The following CLEC12A variants were observed in gnomAD, a reference collection of about 807,000 sequenced individuals.
CLEC12A encodes the protein C-type lectin protein CLL-1.
A neutral mutation model predicts 26.5 loss-of-function variants in CLEC12A; 22 were observed. That is an observed-to-expected ratio of 0.83 (90% CI 0.59 to 1.19). The LOEUF (loss-of-function observed/expected upper bound fraction) is 1.19, where lower values mean the gene tolerates loss of function less well. Ranked by LOEUF, CLEC12A falls within the 50% of genes most tolerant of loss-of-function variation. CLEC12A has a pLI of 0.00. For synonymous variants in CLEC12A, 119 were observed against 101.9 expected (o/e 1.17, Z -1.01); for missense variants, 353 against 315.6 (o/e 1.12, Z -0.90).
intron 1 of CLEC12A, among the ~76,000 whole-genome samples, chr12:9,978,210 T>C (rs1864412965): frequency 6.6e-6 from 1 of 152,178 alleles, no homozygotes; most frequent in Non-Finnish European, 1.5e-5. Flanking sequence ...GTATAATAGC[T>C]TTATACATAA....
At chr12:10,002,985 T>A in the CLEC12A span, among the ~76,000 whole-genome samples, 2 of 152,186 alleles carry the variant, frequency 1.3e-5, no homozygotes, top group Non-Finnish European at 2.9e-5. Flanking sequence ...CTGTATATAT[T>A]TTACACATGT....
At chr12:9,984,779 A>G in intron 5 of CLEC12A, 91 bp from the exon 6 acceptor site, 2 of 1,190,586 alleles carry the variant, frequency 1.7e-6, no homozygotes, top group Non-Finnish European at 2.2e-6. Flanking sequence ...GTCTAGGGCA[A>G]TAATATCATG....
At chr12:9,973,654 T>C (rs1193683912) in intron 1 of CLEC12A, among the ~76,000 whole-genome samples, 1 of 152,010 alleles carries the variant, frequency 6.6e-6, no homozygotes, top group African/African-American at 2.4e-5. Context: ...TTTTTTGTTG[T>C]TATTTAAATG....
At chr12:9,977,844 CA>C (rs1372265046) in intron 1 of CLEC12A, among the ~76,000 whole-genome samples, 6 of 152,222 alleles carry the variant, frequency 3.9e-5, no homozygotes, top group Admixed American at 2.0e-4. Context: ...ACAAGGCACT[CA>C]AAAGATAACT....
At chr12:9,987,736 A>T (rs1166142440), downstream of CLEC12A, among the ~76,000 whole-genome samples, 2 of 151,896 alleles carry the variant, frequency 1.3e-5, no homozygotes, top group Non-Finnish European at 2.9e-5. Flanking sequence ...GTTAACCTGT[A>T]TGTTTTTGTT....
intron 4 of CLEC12A, 36 bp from the exon 5 acceptor site, chr12:9,981,984 A>G: frequency 9.7e-7 from 1 of 1,029,566 alleles, no homozygotes. Flanking sequence ...AAAGTAGGAG[A>G]CTGTTTCTTA....
chr12:10,005,994 G>A, the CLEC12A span, among the ~76,000 whole-genome samples: 27 of 152,280 alleles, frequency 1.8e-4, no homozygotes, highest in Middle Eastern at 3.4e-3. Context: ...AACAGAGTGA[G>A]AATGAATCCT....
chr12:9,955,900 A>G (rs34022830), intron 1 of CLEC12A, among the ~76,000 whole-genome samples: 2,622 of 152,348 alleles, frequency 0.017, 29 homozygotes, highest in Non-Finnish European at 0.028. Flanking sequence ...GCTATACTGG[A>G]GGAAAACGTT....
chr12:9,988,494 C>T (rs1031553022), downstream of CLEC12A, among the ~76,000 whole-genome samples: 17 of 152,122 alleles, frequency 1.1e-4, no homozygotes, highest in East Asian at 3.9e-4. Flanking sequence ...CCAGAATCTA[C>T]GAAGAACTCA....
At chr12:9,986,788 G>A (rs1864777773), downstream of CLEC12A, among the ~76,000 whole-genome samples, 1 of 152,112 alleles carries the variant, frequency 6.6e-6, no homozygotes, top group Non-Finnish European at 1.5e-5. Flanking sequence ...TCCAGCCTGG[G>A]TGACAGAGCA....
intron 1 of CLEC12A, 98 bp downstream of exon 1, chr12:9,971,785 A>T: frequency 1.0e-6 from 1 of 979,930 alleles, no homozygotes; most frequent in Non-Finnish European, 1.4e-6. Context: ...TATTCAACTT[A>T]AATTTTCAAT....
At chr12:9,979,690 TAGA>T (rs1864476088) in intron 3 of CLEC12A, among the ~76,000 whole-genome samples, 166 bp downstream of exon 3, 2 of 152,242 alleles carry the variant, frequency 1.3e-5, no homozygotes, top group South Asian at 4.1e-4. Flanking sequence ...TCCACGCAGT[TAGA>T]AGAAAAACAG....
upstream of CLEC12A, among the ~76,000 whole-genome samples, chr12:9,970,138 T>C (rs549084174): frequency 2.6e-5 from 4 of 152,336 alleles, no homozygotes; most frequent in East Asian, 7.7e-4. Flanking sequence ...TAAATTGACA[T>C]TGAATTTTTG....
intron 3 of CLEC12A, 109 bp downstream of exon 3, chr12:9,979,633 T>C: frequency 1.3e-6 from 1 of 786,856 alleles, no homozygotes; most frequent in East Asian, 2.8e-5. Context: ...GGAGTCATAA[T>C]TTGGGGGAAA....
intron 1 of CLEC12A, among the ~76,000 whole-genome samples, chr12:9,976,180 A>G (rs1864327214): frequency 6.6e-6 from 1 of 152,228 alleles, no homozygotes; most frequent in Non-Finnish European, 1.5e-5. Flanking sequence ...GGTACTGTCC[A>G]GTGGAGCAGT....
At chr12:9,954,502 AT>A (rs1253449838) in intron 1 of CLEC12A, among the ~76,000 whole-genome samples, 3 of 152,216 alleles carry the variant, frequency 2.0e-5, no homozygotes, top group South Asian at 2.1e-4. Context: ...AAAAAAAAAA[AT>A]AATCAAACTA....
chr12:9,966,126 G>T (rs1225425528), intron 1 of CLEC12A, among the ~76,000 whole-genome samples: 1 of 152,124 alleles, frequency 6.6e-6, no homozygotes, highest in African/African-American at 2.4e-5. Context: ...GAGTTGGGGA[G>T]TTTTAAGAGG....
At chr12:10,002,568 A>G in the CLEC12A span, among the ~76,000 whole-genome samples, 9 of 140,682 alleles carry the variant, frequency 6.4e-5, no homozygotes, top group African/African-American at 7.9e-5. Context: ...ACAGCCTCCC[A>G]AGTAGTTGGG....
chr12:9,991,267 G>C (rs935945730), intron 4 of CLEC12A: 1 of 152,092 alleles, frequency 6.6e-6, no homozygotes, highest in Non-Finnish European at 1.5e-5. Context: ...TGCTACTAAC[G>C]TTTGTGCTAT....
Sources: allele counts gnomAD v4.1 joint callset (sites outside exome capture counted in the v4.1 genomes callset), GRCh38; gene constraint gnomAD v4.1.1; transcripts MANE v1.5; gene names NCBI Gene and HGNC (gene_info 2026-07-23, HGNC 2026-07-21).